MICAL3: variants seen among roughly 807,000 people sequenced by gnomAD.
MICAL3 encodes the protein [F-actin]-monooxygenase MICAL3.
In MICAL3, 62 loss-of-function variants were observed where a neutral mutation model predicts 207.4. That is an observed-to-expected ratio of 0.30 (90% CI 0.24 to 0.37). The LOEUF (loss-of-function observed/expected upper bound fraction) is 0.37. Ranked by LOEUF, MICAL3 falls within the 10% of genes least tolerant of loss-of-function variation. MICAL3 has a pLI of 1.00. For missense variants in MICAL3, 2,368 were observed against 2,635.6 expected, an observed-to-expected ratio of 0.90 and a Z score of 2.22; for synonymous variants, 1,077 against 1,069.3, an observed-to-expected ratio of 1.01 and a Z score of -0.14.
chr22:17,790,621 G>T lies in MICAL3; in HGVS notation c.*111C>A. The T allele has an allele frequency of 1.0e-6, 1 of 984,664 alleles. No individual in the cohort carries two copies. The highest frequency in any genetic ancestry group is 1.5e-6 in the Non-Finnish European group (1 of 678,974). The allele number at this position is 984,664 out of a possible 1,614,324, so 61.0% of individuals were successfully genotyped here. ...TTCCAAGCAGCACACGGGCATCTGA[G>T]CGTAAACTCCAAGGAGGTGCCAGGC... On this transcript the variant is annotated 3_prime_UTR_variant, in exon 32 of 32. Transcript: ENST00000441493.
At chr22:17,971,959 G>A (rs566649976) in intron 1 of MICAL3, among the ~76,000 whole-genome samples, 1 of 152,230 alleles carries the variant, frequency 6.6e-6, no homozygotes, top group Non-Finnish European at 1.5e-5. Flanking sequence ...GAGAGGAAGA[G>A]GAGGATGGCA....
chr22:17,897,545 T>C (rs1930958981), intron 7 of MICAL3, among the ~76,000 whole-genome samples: 1 of 152,152 alleles, frequency 6.6e-6, no homozygotes, highest in African/African-American at 2.4e-5. Context: ...TGACTACTTC[T>C]TTGATCTTAT....
At chr22:17,903,408 C>G (rs1282063412) in intron 3 of MICAL3, among the ~76,000 whole-genome samples, 3 of 152,214 alleles carry the variant, frequency 2.0e-5, no homozygotes, top group Admixed American at 2.0e-4. Flanking sequence ...ACTTAAGGTG[C>G]AGAGATAAAG....
chr22:17,986,651 A>C (rs903206608), intron 1 of MICAL3, among the ~76,000 whole-genome samples: 3 of 152,212 alleles, frequency 2.0e-5, no homozygotes, highest in Non-Finnish European at 4.4e-5. Context: ...CACCCACTTC[A>C]CACAGAGAAA....
intron 1 of MICAL3, among the ~76,000 whole-genome samples, chr22:17,957,003 AGACTCCTTTAAAGGAGTCTCTC>A (rs1371247591): frequency 1.3e-5 from 2 of 152,210 alleles, no homozygotes; most frequent in Non-Finnish European, 2.9e-5. Flanking sequence ...TCTTCCTGAA[AGACTCCTTTAAAGGAGTCTCTC>A]ACATAGAAAA....
chr22:17,801,303 C>A (rs1366998229), intron 29 of MICAL3, among the ~76,000 whole-genome samples: 60 of 104,696 alleles, frequency 5.7e-4, no homozygotes, highest in African/African-American at 3.5e-3. Context: ...CAGGCGCCCG[C>A]CACTACGCCC....
intron 1 of MICAL3, among the ~76,000 whole-genome samples, chr22:17,995,509 T>C (rs1029171615): frequency 2.8e-5 from 4 of 142,980 alleles, no homozygotes; most frequent in African/African-American, 1.0e-4. Flanking sequence ...TTTTTTTTTT[T>C]TTTTTTTTTT....
At chr22:17,867,572 C>A (rs1471943610) in intron 17 of MICAL3, among the ~76,000 whole-genome samples, 1 of 152,228 alleles carries the variant, frequency 6.6e-6, no homozygotes, top group Non-Finnish European at 1.5e-5. Context: ...ACCACGTGGC[C>A]TGACCTTCCA....
At chr22:17,927,215 T>C (rs1208753631) in intron 1 of MICAL3, among the ~76,000 whole-genome samples, 1 of 152,198 alleles carries the variant, frequency 6.6e-6, no homozygotes, top group African/African-American at 2.4e-5. Flanking sequence ...TTTCACTTAG[T>C]ATAAGGGCTT....
intron 1 of MICAL3, among the ~76,000 whole-genome samples, chr22:18,002,351 G>C (rs5992148): frequency 0.6 from 90,281 of 151,548 alleles, 28,009 homozygotes; most frequent in African/African-American, 0.78. Context: ...AGAGCAGAGG[G>C]CGGGCGCGGT....
intron 1 of MICAL3, among the ~76,000 whole-genome samples, chr22:17,949,764 G>A (rs898476363): frequency 1.3e-5 from 2 of 152,200 alleles, no homozygotes; most frequent in African/African-American, 2.4e-5. Flanking sequence ...AGCAGAGGAC[G>A]AAACAGCCAG....
At chr22:17,939,060 A>T (rs1299268732) in intron 1 of MICAL3, among the ~76,000 whole-genome samples, 1 of 152,146 alleles carries the variant, frequency 6.6e-6, no homozygotes, top group East Asian at 1.9e-4. Context: ...CCATTCATGG[A>T]TTAATGAGTT....
At chr22:17,849,491 C>T (rs1018823081) in intron 19 of MICAL3, among the ~76,000 whole-genome samples, 1 of 149,736 alleles carries the variant, frequency 6.7e-6, no homozygotes, top group Non-Finnish European at 1.5e-5. Flanking sequence ...TGCGCCATCA[C>T]GCCTGGCTAA....
intron 1 of MICAL3, among the ~76,000 whole-genome samples, chr22:17,911,450 A>C (rs1374975749): frequency 6.6e-6 from 1 of 152,218 alleles, no homozygotes; most frequent in Non-Finnish European, 1.5e-5. Context: ...GCGAACGTGC[A>C]AATTTCTGAA....
Position 17,845,982 on chromosome 22 carries a change from A to G in MICAL3, c.2606-3965T>C, listed in dbSNP as rs139568592. ...TCAGGCAACAGAACTTGGCAGTCCAAGCCCAGGGCCAGAGCTCTGGAAGGG... is the reference window on the plus strand; with the variant it reads ...TCAGGCAACAGAACTTGGCAGTCCAGGCCCAGGGCCAGAGCTCTGGAAGGG... On this transcript the variant is annotated intron_variant, in intron 19 of 31. Coordinates refer to ENST00000441493, the MANE Select transcript of MICAL3 (RefSeq NM_015241.3). 3.8e-3 allele frequency among the ~76,000 whole-genome samples: 578 copies of G among 152,362 alleles called. 1 individual carries two copies. The highest frequency in any genetic ancestry group is 5.9e-3 in the Non-Finnish European group (402 of 68,032).
At chr22:17,870,481 T>G (rs1392182867) in intron 17 of MICAL3, among the ~76,000 whole-genome samples, 1 of 152,226 alleles carries the variant, frequency 6.6e-6, no homozygotes, top group East Asian at 1.9e-4. Context: ...CACTTCTGCA[T>G]CTTTCACAGA....
intron 1 of MICAL3, chr22:18,020,125 T>G (rs997203946): frequency 3.9e-5 from 6 of 152,100 alleles, no homozygotes; most frequent in African/African-American, 1.2e-4. Flanking sequence ...CTGCTGATGT[T>G]TTTAAGAGGA....
chr22:17,982,686 A>ATAACATAACC (rs1300147534), intron 1 of MICAL3, among the ~76,000 whole-genome samples: 1 of 149,754 alleles, frequency 6.7e-6, no homozygotes, highest in East Asian at 1.9e-4. Flanking sequence ...AATTCATAAC[A>ATAACATAACC]TAACATAACA....
chr22:17,896,134 T>G (rs1304766858), intron 9 of MICAL3, 112 bp downstream of exon 9: 9 of 600,084 alleles, frequency 1.5e-5, no homozygotes, highest in Non-Finnish European at 2.4e-5. Flanking sequence ...AAAACATCTT[T>G]AATTAAGAAG....
Sources: allele counts gnomAD v4.1 joint callset (sites outside exome capture counted in the v4.1 genomes callset), GRCh38; gene constraint gnomAD v4.1.1; transcripts MANE v1.5; gene names NCBI Gene and HGNC (gene_info 2026-07-23, HGNC 2026-07-21).